Variants in TMEFF2 observed in about 807,000 individuals in gnomAD.
TMEFF2 encodes transmembrane protein with EGF like and two follistatin like domains 2.
In TMEFF2, 28 loss-of-function variants were observed where a neutral mutation model predicts 53.8. That is an observed-to-expected ratio of 0.52 (90% CI 0.39 to 0.71). The LOEUF (loss-of-function observed/expected upper bound fraction) is 0.71. TMEFF2 is among the 30% of genes least tolerant of loss of function. TMEFF2 has a pLI of 0.00. For synonymous variants in TMEFF2, 162 were observed against 166.3 expected (o/e 0.97, Z 0.20); for missense variants, 353 against 455.2 (o/e 0.78, Z 2.04).
intron 4 of TMEFF2, among the ~76,000 whole-genome samples, chr2:192,072,876 A>T (rs552177071): frequency 1.3e-5 from 2 of 151,834 alleles, no homozygotes; most frequent in Non-Finnish European, 2.9e-5. Flanking sequence ...AACCACCTCT[A>T]TATAGGAATA....
At chr2:191,952,503 G>C (rs1161751936) in intron 9 of TMEFF2, among the ~76,000 whole-genome samples, 2 of 151,660 alleles carry the variant, frequency 1.3e-5, no homozygotes, top group Non-Finnish European at 2.9e-5. Context: ...CAGTATTTTT[G>C]GTTTCTTGTA....
intron 4 of TMEFF2, among the ~76,000 whole-genome samples, chr2:192,058,518 G>T (rs144456174): frequency 1.8e-4 from 28 of 152,026 alleles, no homozygotes; most frequent in African/African-American, 6.5e-4. Context: ...TGCAAAAATA[G>T]GCAATATATC....
intron 5 of TMEFF2, among the ~76,000 whole-genome samples, chr2:192,019,842 GT>G (rs1368463110): frequency 1.3e-5 from 2 of 152,014 alleles, no homozygotes; most frequent in Non-Finnish European, 2.9e-5. Flanking sequence ...TGGAGAATTG[GT>G]TTTGGATGAT....
intron 2 of TMEFF2, among the ~76,000 whole-genome samples, chr2:192,187,282 G>A (rs1292640234): frequency 6.6e-6 from 1 of 151,984 alleles, no homozygotes; most frequent in African/African-American, 2.4e-5. Flanking sequence ...TGGAACTTTT[G>A]GGAAATTAAC....
chr2:192,160,434 C>G (rs544470978), intron 4 of TMEFF2, among the ~76,000 whole-genome samples: 3 of 152,170 alleles, frequency 2.0e-5, no homozygotes, highest in African/African-American at 7.2e-5. Flanking sequence ...GCTTCTGGCA[C>G]AACTCTGGAC....
At chr2:192,049,999 TCAAA>T (rs1005951561) in intron 5 of TMEFF2, among the ~76,000 whole-genome samples, 14 of 152,100 alleles carry the variant, frequency 9.2e-5, no homozygotes, top group African/African-American at 9.7e-5. Flanking sequence ...AGACTCCATC[TCAAA>T]CAAACAAACA....
chr2:191,957,114 C>T (rs1692128047), intron 7 of TMEFF2, among the ~76,000 whole-genome samples: 1 of 152,136 alleles, frequency 6.6e-6, no homozygotes, highest in Non-Finnish European at 1.5e-5. Flanking sequence ...AAAGTGAACA[C>T]TTTTGCCTGC....
chr2:192,131,803 G>C (rs1258762575), intron 4 of TMEFF2, among the ~76,000 whole-genome samples: 3 of 151,938 alleles, frequency 2.0e-5, no homozygotes, highest in East Asian at 1.9e-4. Flanking sequence ...TTATTTTCTT[G>C]TGCAATGCCG....
intron 5 of TMEFF2, among the ~76,000 whole-genome samples, chr2:192,034,095 A>G (rs913076244): frequency 2.6e-5 from 4 of 151,532 alleles, no homozygotes; most frequent in Non-Finnish European, 4.4e-5. Context: ...GAATGGCGTG[A>G]ACCCGGGAGG....
rs555681465 is a variant in TMEFF2 at position 192,033,755 on chromosome 2, C to T, written c.536+23924G>A. On this transcript the variant is annotated intron_variant, in intron 5 of 9. Transcript: ENST00000272771. ...TTTGATATAGTGTGATTATCCCACA[C>T]CTATGATTTGGCTACAACTCAGTCA... Among the ~76,000 whole-genome samples the T allele has an allele frequency of 3.9e-5, 6 of 152,196 alleles. 1 individual carries two copies. The highest frequency in any genetic ancestry group is 1.3e-4 in the Admixed American group (2 of 15,292).
At chr2:191,989,523 A>T (rs997457874) in intron 7 of TMEFF2, among the ~76,000 whole-genome samples, 1 of 152,192 alleles carries the variant, frequency 6.6e-6, no homozygotes, top group Non-Finnish European at 1.5e-5. Flanking sequence ...TAACCTCAGT[A>T]TAACTGGGCT....
intron 4 of TMEFF2, among the ~76,000 whole-genome samples, chr2:192,061,502 G>T (rs146023206): frequency 6.6e-6 from 1 of 152,232 alleles, no homozygotes; most frequent in African/African-American, 2.4e-5. Flanking sequence ...ATGTGCATAG[G>T]ATACAGCACT....
chr2:192,140,802 C>T (rs1690118866), intron 4 of TMEFF2, among the ~76,000 whole-genome samples: 1 of 152,136 alleles, frequency 6.6e-6, no homozygotes, highest in African/African-American at 2.4e-5. Flanking sequence ...AGGAAAAACA[C>T]CATGTCATGA....
chr2:192,189,441 A>AATAC (rs1691405132), intron 2 of TMEFF2, among the ~76,000 whole-genome samples: 1 of 151,094 alleles, frequency 6.6e-6, no homozygotes, highest in Non-Finnish European at 1.5e-5. Context: ...GCTACTCGGG[A>AATAC]GGCTGAGGCA....
At chr2:192,167,185 T>A (rs1690789536) in intron 4 of TMEFF2, among the ~76,000 whole-genome samples, 1 of 152,158 alleles carries the variant, frequency 6.6e-6, no homozygotes, top group African/African-American at 2.4e-5. Context: ...CTTTGTCTTA[T>A]CTGGCAAGAA....
Position 192,114,185 on chromosome 2 carries a change from A to C in TMEFF2, c.440-56410T>G, listed in dbSNP as rs115774759. 6.2e-3 allele frequency among the ~76,000 whole-genome samples: 941 copies of C among 151,890 alleles called. 5 individuals are homozygous for C. The highest frequency in any genetic ancestry group is 0.022 in the African/African-American group (894 of 41,476). On this transcript the variant is annotated intron_variant, in intron 4 of 9. Coordinates refer to ENST00000272771, the MANE Select transcript of TMEFF2 (RefSeq NM_016192.4). ...AAAGAAAATATAAAATAAACAACTCAGATTGTAGAGAACAGGAATATAGCC... is the reference window on the plus strand; with the variant it reads ...AAAGAAAATATAAAATAAACAACTCCGATTGTAGAGAACAGGAATATAGCC...
chr2:192,098,268 C>T (rs1303192433), intron 4 of TMEFF2, among the ~76,000 whole-genome samples: 1 of 152,130 alleles, frequency 6.6e-6, no homozygotes, highest in African/African-American at 2.4e-5. Flanking sequence ...TGAATGAAAC[C>T]TTGACCTCCC....
At chr2:192,129,634 C>G (rs35330034) in intron 4 of TMEFF2, among the ~76,000 whole-genome samples, 22,408 of 152,030 alleles carry the variant, frequency 0.15, 2,390 homozygotes, top group African/African-American at 0.28. Context: ...AAGGAAATGC[C>G]ATATTTATGG....
intron 5 of TMEFF2, among the ~76,000 whole-genome samples, chr2:192,003,991 T>C (rs921779659): frequency 4.6e-5 from 7 of 152,144 alleles, no homozygotes; most frequent in Non-Finnish European, 8.8e-5. Context: ...ACCTGTTTAC[T>C]TGTTTATACC....
Sources: allele counts gnomAD v4.1 joint callset (sites outside exome capture counted in the v4.1 genomes callset), GRCh38; gene constraint gnomAD v4.1.1; transcripts MANE v1.5; gene names NCBI Gene and HGNC (gene_info 2026-07-23, HGNC 2026-07-21).